PLA2G2C: variants seen among roughly 807,000 people sequenced by gnomAD.
The protein encoded by PLA2G2C is putative inactive group IIC secretory phospholipase A2.
PLA2G2C carries 15 observed loss-of-function variants against 14.3 expected under a neutral mutation model. The ratio of observed to expected loss-of-function variants is 1.05; its 90% confidence interval spans 0.70 to 1.62. The LOEUF is 1.62. PLA2G2C is among the 40% of genes most tolerant of loss of function. The pLI is 0.00. For missense variants in PLA2G2C, 162 were observed against 173.2 expected, an observed-to-expected ratio of 0.94 and a Z score of 0.36; for synonymous variants, 79 against 67.7, an observed-to-expected ratio of 1.17 and a Z score of -0.82.
At chr1:20,165,600 C>T (rs775594083) in intron 4 of PLA2G2C, among the ~76,000 whole-genome samples, 1 of 152,100 alleles carries the variant, frequency 6.6e-6, no homozygotes, top group African/African-American at 2.4e-5. Context: ...GCACTTTGGC[C>T]GAGTCACCAC....
At chr1:20,167,802 T>A (rs1270608734) in intron 4 of PLA2G2C, among the ~76,000 whole-genome samples, 1 of 152,098 alleles carries the variant, frequency 6.6e-6, no homozygotes, top group Non-Finnish European at 1.5e-5. Context: ...GGCCCTGAGG[T>A]CTCAGACCAA....
At position 20,170,702 on chromosome 1, in the gene PLA2G2C, C is replaced by CACAGAAAAGACACTTTGCTTTA. The variant is rs1211209707; in HGVS notation, c.283+2091_283+2092insTAAAGCAAAGTGTCTTTTCTGT. On this transcript the variant is annotated intron_variant, in intron 4 of 4. Coordinates refer to ENST00000679259, the MANE Select transcript of PLA2G2C (RefSeq NM_001367969.2). ...TCACGGGCTGGGTCAGCTGAGGAGG[C>CACAGAAAAGACACTTTGCTTTA]GGGTGCTGATGCCCTGGTACTGATG... is the stretch of plus-strand genomic sequence containing the variant. Among the ~76,000 whole-genome samples, 147 of 106,230 alleles carry CACAGAAAAGACACTTTGCTTTA rather than the reference C, an allele frequency of 1.4e-3. 5 individuals are homozygous for CACAGAAAAGACACTTTGCTTTA. The highest frequency in any genetic ancestry group is 1.9e-3 in the African/African-American group (50 of 26,126). The allele number at this position is 106,230 out of a possible 152,430, so 69.7% of individuals were successfully genotyped here. A position where few individuals can be genotyped will look rare whatever the true frequency, so the allele number is the denominator to read the frequency against.
intron 1 of PLA2G2C, chr1:20,184,249 C>A (rs1232525468): frequency 1.3e-5 from 2 of 151,814 alleles, no homozygotes; most frequent in Non-Finnish European, 2.9e-5. Context: ...CAATTTGATT[C>A]TCCAAAGGAT....
At chr1:20,177,811 G>A (rs149803119) in intron 1 of PLA2G2C, among the ~76,000 whole-genome samples, 3 of 152,266 alleles carry the variant, frequency 2.0e-5, no homozygotes, top group South Asian at 4.1e-4. Context: ...TTTGCATCTA[G>A]TCCCACAGTG....
rs779493243 is a variant in PLA2G2C at position 20,175,139 on chromosome 1, G to A, written c.47C>T (p.Thr16Ile). The A allele has an allele frequency of 6.2e-7, 1 of 1,613,914 alleles. No homozygotes were observed. Among genetic ancestry groups the A allele is most frequent in the South Asian group, 1.1e-5 (1 of 91,076 alleles). Residue 16 changes from threonine (T) to isoleucine (I), a missense_variant, in exon 3 of 5, where the codon ACC becomes ATC. By Grantham distance (89) the Thr-to-Ile change is moderately conservative. Coordinates refer to ENST00000679259, the MANE Select transcript of PLA2G2C (RefSeq NM_001367969.2). ...CTGAAACTGCCAGAAACTGCTGTGG[G>A]TGGGGGCTGCCACCACCGATGAGAA... ...ILTLLLFCSP[T>I]HSSFWQFQRR...
At chr1:20,174,935 C>T in intron 3 of PLA2G2C, 72 bp downstream of exon 3, 1 of 1,406,908 alleles carries the variant, frequency 7.1e-7, no homozygotes, top group Non-Finnish European at 9.7e-7. Flanking sequence ...ATCCTAACAC[C>T]CTCTCTCTGG....
In PLA2G2C at chr1:20,163,346, T is replaced by A. The variant is rs2017902561; in HGVS notation, c.*645A>T. On this transcript the variant is annotated 3_prime_UTR_variant, in exon 5 of 5. Coordinates refer to ENST00000679259, the MANE Select transcript of PLA2G2C (RefSeq NM_001367969.2). ...GACCTCCTGAGGCCTAGCTCAAAAC[T>A]GGTAAACCATCCCTCCCACAACATT... 6.6e-6 allele frequency: 1 copy of A among 152,396 alleles called. No homozygotes were observed. Among genetic ancestry groups the A allele is most frequent in the Middle Eastern group, 3.4e-3 (1 of 294 alleles). The allele number at this position is 152,396 out of a possible 1,614,324, so 9.4% of individuals were successfully genotyped here.
rs574545068 is a variant in PLA2G2C at position 20,175,002 on chromosome 1, C to T, written c.179+5G>A. 1.6e-5 allele frequency: 26 copies of T among 1,612,056 alleles called. No homozygotes were observed. Among genetic ancestry groups the T allele is most frequent in the Non-Finnish European group, 2.5e-6 (3 of 1,178,962 alleles). ...GATAAGTGGCCTTAGAGCCTCTGCA[C>T]CCACCTGTCAGTGTCATCCACGGGG... On this transcript the variant is annotated splice_donor_5th_base_variant and intron_variant, in intron 3 of 4. Transcript: ENST00000679259.
At chr1:20,175,802 C>A (rs1383777653) in intron 2 of PLA2G2C, among the ~76,000 whole-genome samples, 1 of 152,138 alleles carries the variant, frequency 6.6e-6, no homozygotes. Flanking sequence ...ATAGCACTAT[C>A]TCTAGGCAAT....
At chr1:20,174,578 T>C (rs1003779319) in intron 3 of PLA2G2C, among the ~76,000 whole-genome samples, 10 of 152,208 alleles carry the variant, frequency 6.6e-5, no homozygotes, top group Non-Finnish European at 1.3e-4. Flanking sequence ...ACTTTTACTA[T>C]GAGGATGAAA....
intron 4 of PLA2G2C, among the ~76,000 whole-genome samples, chr1:20,171,420 G>C (rs1213013249): frequency 6.6e-6 from 1 of 152,194 alleles, no homozygotes; most frequent in African/African-American, 2.4e-5. Flanking sequence ...GGTCCTCCCG[G>C]TGCAGGGGTC....
chr1:20,183,336 C>T (rs1450122024), intron 1 of PLA2G2C, among the ~76,000 whole-genome samples: 1 of 152,202 alleles, frequency 6.6e-6, no homozygotes, highest in Non-Finnish European at 1.5e-5. Context: ...TGCCTGCAGT[C>T]CCCACGACCA....
At chr1:20,175,645 A>C (rs1466022076) in intron 2 of PLA2G2C, among the ~76,000 whole-genome samples, 2 of 152,236 alleles carry the variant, frequency 1.3e-5, no homozygotes, top group Non-Finnish European at 2.9e-5. Context: ...TGCTTCTACA[A>C]GATGCTTATG....
In PLA2G2C at chr1:20,172,809, T is replaced by C. The variant is rs750138813; in HGVS notation, c.268A>G (p.Asn90Asp). 7 of 1,613,582 alleles carry C rather than the reference T, an allele frequency of 4.3e-6. No homozygotes were observed. In the African/African-American group the frequency reaches 9.3e-5, roughly 22 times the overall value. Residue 90 changes from asparagine to aspartate, a missense_variant, in exon 4 of 5, where the codon AAT becomes GAT. Coordinates refer to ENST00000679259, the MANE Select transcript of PLA2G2C (RefSeq NM_001367969.2). ...VLNSYQFHIV[N>D]GAVVCGCTLG... ...GGCTACTCACAAACCACTGCGCCAT[T>C]GACGATGTGGAACTGGTAGCTGTTC...
chr1:20,181,109 C>T (rs2018272146), intron 1 of PLA2G2C, among the ~76,000 whole-genome samples: 1 of 152,146 alleles, frequency 6.6e-6, no homozygotes, highest in Admixed American at 6.5e-5. Flanking sequence ...GTTCTGAGCA[C>T]TTTACATATA....
chr1:20,163,985 G>A lies in PLA2G2C; in HGVS notation c.*6C>T. On this transcript the variant is annotated 3_prime_UTR_variant, in exon 5 of 5. Transcript: ENST00000679259. ...GCTGGATGATGAGAGGGACCCTGTG[G>A]TGTCCCTAGCACCAGGGCTTATGTC... is the stretch of plus-strand genomic sequence containing the variant. 1 of 1,611,086 alleles carries A rather than the reference G, an allele frequency of 6.2e-7. No individual in the cohort carries two copies.
chr1:20,186,189 G>A (rs2018385572), intron 1 of PLA2G2C, 171 bp downstream of exon 1: 1 of 152,484 alleles, frequency 6.6e-6, no homozygotes, highest in South Asian at 2.1e-4. Flanking sequence ...GCCTGCCCTT[G>A]GCCTCCGCCA....
At chr1:20,169,878 GCCCCT>G (rs1291883066) in intron 4 of PLA2G2C, among the ~76,000 whole-genome samples, 2 of 152,220 alleles carry the variant, frequency 1.3e-5, no homozygotes, top group Non-Finnish European at 2.9e-5. Flanking sequence ...AACTCCATCT[GCCCCT>G]CTTTCCTTCC....
intron 4 of PLA2G2C, among the ~76,000 whole-genome samples, chr1:20,170,235 G>T (rs1268675949): frequency 6.6e-6 from 1 of 152,222 alleles, no homozygotes; most frequent in East Asian, 1.9e-4. Context: ...GAAAACCAAA[G>T]CCCAGACAAC....
Sources: gnomAD v4.1 joint callset for allele counts (sites outside exome capture counted in the v4.1 genomes callset) on GRCh38, gnomAD v4.1.1 for gene constraint, MANE v1.5 for transcripts, NCBI Gene and HGNC (gene_info 2026-07-23, HGNC 2026-07-21) for gene names.